The following CCP110 variants were observed in gnomAD, a reference collection of about 807,000 sequenced individuals.
CCP110 encodes the protein centriolar coiled-coil protein 110.
A neutral mutation model predicts 105.5 loss-of-function variants in CCP110; 43 were observed. That is an observed-to-expected ratio of 0.41 (90% CI 0.32 to 0.53). The LOEUF is 0.53. Ranked by LOEUF, CCP110 falls within the 20% of genes least tolerant of loss-of-function variation. The pLI is 0.32. For synonymous variants in CCP110, 353 were observed against 392.1 expected (o/e 0.90, Z 1.18); for missense variants, 1,016 against 1,189.1 (o/e 0.85, Z 2.14).
exon 10 of CCP110, chr16:19,545,111 C>T (rs768843816): frequency 3.7e-5 from 59 of 1,606,918 alleles, no homozygotes; most frequent in Middle Eastern, 1.7e-4. Context: ...CTGCCTTGTA[C>T]GGTATTCATG....
At chr16:19,529,876 G>A (rs934944794) in intron 2 of CCP110, among the ~76,000 whole-genome samples, 3 of 152,064 alleles carry the variant, frequency 2.0e-5, no homozygotes, top group Non-Finnish European at 2.9e-5. Flanking sequence ...ATCTAAAATA[G>A]CTACTGTACG....
intron 3 of CCP110, among the ~76,000 whole-genome samples, chr16:19,534,391 C>T (rs1488299179): frequency 6.6e-6 from 1 of 152,068 alleles, no homozygotes; most frequent in African/African-American, 2.4e-5. Flanking sequence ...TTATATAATA[C>T]AATTAGATTT....
intron 4 of CCP110, among the ~76,000 whole-genome samples, chr16:19,539,336 C>T (rs148811865): frequency 1.7e-3 from 257 of 150,976 alleles, no homozygotes; most frequent in African/African-American, 5.4e-3. Context: ...TTGGGTCAGA[C>T]TGCTTAAAAC....
intron 2 of CCP110, among the ~76,000 whole-genome samples, chr16:19,530,682 C>CAA (rs796911104): frequency 4.3e-4 from 60 of 138,670 alleles, no homozygotes; most frequent in Admixed American, 8.8e-4. Context: ...GACCCTCTCT[C>CAA]AAAAAAAAAA....
At chr16:19,539,323 G>C (rs1351933674) in intron 4 of CCP110, among the ~76,000 whole-genome samples, 1 of 151,634 alleles carries the variant, frequency 6.6e-6, no homozygotes, top group African/African-American at 2.4e-5. Context: ...GGGAAATACA[G>C]GGTTGGGTCA....
chr16:19,548,682 A>C lies in CCP110; in HGVS notation c.2986+82A>C, dbSNP rs567158728. ...CCCATAACTCAGGCCATAGAAGTGG[A>C]ATAGATTGTCTTTCCTTGCCACCAT... On this transcript the variant is annotated intron_variant, in intron 14 of 14. Transcript: ENST00000381396. This position sits in a 1 kb window ranked among gnomAD's most constrained non-coding sequence, Gnocchi z 4.1. 3 of 837,860 alleles carry C rather than the reference A, an allele frequency of 3.6e-6. No individual in the cohort carries two copies. The South Asian group carries it at 4.9e-5, about 14-fold the overall frequency. 51.9% of individuals were successfully genotyped at this position (837,860 alleles called of 1,614,324 possible).
intron 6 of CCP110, 55 bp from the exon 7 acceptor site, chr16:19,542,566 C>T: frequency 7.4e-7 from 1 of 1,346,674 alleles, no homozygotes; most frequent in Non-Finnish European, 1.1e-6. Flanking sequence ...TTGGGATGTT[C>T]TTCGTATTCT....
rs766613677 is a variant in CCP110, at chr16:19,528,031, G to A, written c.141+9G>A. On this transcript the variant is annotated intron_variant, in intron 2 of 14. Coordinates refer to ENST00000381396, the Ensembl canonical transcript of CCP110. Reference sequence around the variant, plus strand: ...CTATCCTTTCTCCACTGGTAAACTTGCTTTGTTTTTAAATAGTTTTTTTCT... The same window carrying A: ...CTATCCTTTCTCCACTGGTAAACTTACTTTGTTTTTAAATAGTTTTTTTCT... The A allele has an allele frequency of 1.3e-6, 2 of 1,595,298 alleles. No individual in the cohort carries two copies. Among genetic ancestry groups the A allele is most frequent in the East Asian group, 4.5e-5 (2 of 44,194 alleles).
At chr16:19,537,303 A>G (rs375241886) in exon 4 of CCP110, 1 of 1,614,106 alleles carries the variant, frequency 6.2e-7, no homozygotes, top group Non-Finnish European at 8.5e-7. Flanking sequence ...AATAAGTCTT[A>G]TGATGTAAAA....
intron 8 of CCP110, among the ~76,000 whole-genome samples, chr16:19,544,179 G>A (rs1217453901): frequency 6.6e-6 from 1 of 152,154 alleles, no homozygotes; most frequent in African/African-American, 2.4e-5. Flanking sequence ...TTTCTCATCT[G>A]GCTGACACTT....
intron 2 of CCP110, among the ~76,000 whole-genome samples, chr16:19,528,537 A>G (rs1259552577): frequency 2.6e-5 from 4 of 152,166 alleles, no homozygotes; most frequent in South Asian, 2.1e-4. Flanking sequence ...AAGGATCTCA[A>G]TGATCTAGTG....
At chr16:19,535,335 A>T (rs1970014404) in intron 3 of CCP110, among the ~76,000 whole-genome samples, 1 of 108,744 alleles carries the variant, frequency 9.2e-6, no homozygotes, top group South Asian at 2.5e-4. Flanking sequence ...CTATTTTTAC[A>T]TTCATTCATT....
At chr16:19,525,195 CTT>C (rs1969627315) in intron 1 of CCP110, 1 of 152,172 alleles carries the variant, frequency 6.6e-6, no homozygotes, top group Admixed American at 6.5e-5. Flanking sequence ...TTTTACCACT[CTT>C]TTCAGTGACA....
intron 14 of CCP110, among the ~76,000 whole-genome samples, chr16:19,550,323 T>C (rs539643570): frequency 1.1e-4 from 17 of 152,154 alleles, no homozygotes; most frequent in African/African-American, 3.6e-4. Context: ...AGCTAATTTA[T>C]TGTATTTTTA....
Position 19,540,544 on chromosome 16 carries a change from A to G in CCP110, c.1919-113A>G, listed in dbSNP as rs1970240030. 7.1e-6 allele frequency: 6 copies of G among 842,424 alleles called. No individual in the cohort carries two copies. The Admixed American group carries it at 7.7e-5, about 11-fold the overall frequency. The allele number at this position is 842,424 out of a possible 1,614,324, so 52.2% of individuals were successfully genotyped here. A position where few individuals can be genotyped will look rare whatever the true frequency, so the allele number is the denominator to read the frequency against. ...GACCCAGCTATATCTTGATTGTATT[A>G]TGTCAGATCCAGGAATACTCTCTTG... On this transcript the variant is annotated intron_variant, in intron 4 of 14. Coordinates refer to ENST00000381396, the Ensembl canonical transcript of CCP110.
At chr16:19,540,661 CGAG>C in exon 5 of CCP110, 1 of 1,610,672 alleles carries the variant, frequency 6.2e-7, no homozygotes, top group African/African-American at 1.3e-5. Flanking sequence ...TTTCAGAAAG[CGAG>C]GAGTTACTAA....
At chr16:19,544,838 A>G (rs1970407342) in exon 9 of CCP110, 3 of 1,605,658 alleles carry the variant, frequency 1.9e-6, no homozygotes, top group East Asian at 2.2e-5. Flanking sequence ...CAGAAGCACC[A>G]TTAAAGAGAG....
chr16:19,538,877 C>T (rs1216800991), intron 4 of CCP110, among the ~76,000 whole-genome samples: 4 of 151,738 alleles, frequency 2.6e-5, no homozygotes, highest in Admixed American at 6.6e-5. Context: ...TTTGGGAGGC[C>T]GAGGTGGGTG....
intron 12 of CCP110, 193 bp from the exon 13 acceptor site, chr16:19,547,762 C>T (rs1970511083): frequency 3.8e-6 from 2 of 528,264 alleles, no homozygotes; most frequent in Non-Finnish European, 6.8e-6. Context: ...AAGGTTTGGA[C>T]TCTTAGTGAG....
Sources: allele counts gnomAD v4.1 joint callset (sites outside exome capture counted in the v4.1 genomes callset), GRCh38; gene constraint gnomAD v4.1.1; non-coding constraint Gnocchi (gnomAD v3.1); transcripts MANE v1.5; gene names NCBI Gene and HGNC (gene_info 2026-07-23, HGNC 2026-07-21).